Variants in XCR1 observed in about 807,000 individuals in gnomAD.
XCR1 encodes the protein X-C motif chemokine receptor 1.
For missense variants in XCR1, 356 were observed against 424.2 expected, an observed-to-expected ratio of 0.84 and a Z score of 1.41; for synonymous variants, 187 against 188.5, an observed-to-expected ratio of 0.99 and a Z score of 0.06.
chr3:46,050,260 T>G (rs1484863363), intron 5 of XCR1, among the ~76,000 whole-genome samples: 1 of 152,226 alleles, frequency 6.6e-6, no homozygotes, highest in East Asian at 1.9e-4. Context: ...AAGAACAGTC[T>G]CCTTGCAGGG....
chr3:46,058,135 C>G (rs986248831), intron 4 of XCR1, among the ~76,000 whole-genome samples: 2 of 152,240 alleles, frequency 1.3e-5, no homozygotes, highest in African/African-American at 2.4e-5. Flanking sequence ...TTGCCTCTCT[C>G]GTATGATTCA....
chr3:46,061,604 G>A (rs1697963432), intron 4 of XCR1, among the ~76,000 whole-genome samples: 1 of 152,126 alleles, frequency 6.6e-6, no homozygotes, highest in Non-Finnish European at 1.5e-5. Flanking sequence ...GAGAACCTTT[G>A]GGCTGAAGCA....
chr3:46,072,838 G>C (rs1327901126), intron 3 of XCR1, among the ~76,000 whole-genome samples: 2 of 152,176 alleles, frequency 1.3e-5, no homozygotes, highest in Admixed American at 6.5e-5. Flanking sequence ...AATGAACAAA[G>C]CTGGAGGCAT....
chr3:46,068,066 A>T (rs561665715), intron 3 of XCR1, among the ~76,000 whole-genome samples: 1 of 152,342 alleles, frequency 6.6e-6, no homozygotes, highest in South Asian at 2.1e-4. Context: ...GCTGCCAGTA[A>T]CAGAGCACAT....
intron 5 of XCR1, among the ~76,000 whole-genome samples, chr3:46,035,752 G>T (rs1353095062): frequency 6.6e-6 from 1 of 152,160 alleles, no homozygotes; most frequent in Non-Finnish European, 1.5e-5. Flanking sequence ...ATTTTTGAAA[G>T]AATTTCCATT....
Position 46,043,212 on chromosome 3 carries a change from A to G in XCR1, c.-32+10708T>C, listed in dbSNP as rs190696530. On this transcript the variant is annotated intron_variant, in intron 5 of 5. Coordinates refer to the XCR1 transcript ENST00000683768. ...CCCCAGCACTTTGGGAGGCTGAGGCAGGCAGATCACCTGAGGTCAGGAGTT... is the reference window on the plus strand; with the variant it reads ...CCCCAGCACTTTGGGAGGCTGAGGCGGGCAGATCACCTGAGGTCAGGAGTT... 1.2e-3 allele frequency among the ~76,000 whole-genome samples: 177 copies of G among 152,220 alleles called. 2 individuals carry two copies. Among genetic ancestry groups the G allele is most frequent in the African/African-American group, 4.1e-3 (172 of 41,536 alleles).
At chr3:46,076,096 A>G (rs938942003) in intron 2 of XCR1, among the ~76,000 whole-genome samples, 1 of 152,224 alleles carries the variant, frequency 6.6e-6, no homozygotes, top group Non-Finnish European at 1.5e-5. Flanking sequence ...GGCCACCAAG[A>G]TTTTTTAACA....
At chr3:46,085,579 G>T (rs1698460383) in intron 1 of XCR1, among the ~76,000 whole-genome samples, 2 of 152,214 alleles carry the variant, frequency 1.3e-5, no homozygotes, top group Non-Finnish European at 2.9e-5. Context: ...CCTTCCAGCA[G>T]CAAGCCTGCC....
At chr3:46,041,080 T>C (rs1697530592) in intron 5 of XCR1, among the ~76,000 whole-genome samples, 1 of 152,332 alleles carries the variant, frequency 6.6e-6, no homozygotes, top group Admixed American at 6.5e-5. Context: ...TTGAGCAGCG[T>C]ATAGTTTTAT....
chr3:46,022,268 G>A, intron 1 of XCR1: 6 of 239,704 alleles, frequency 2.5e-5, no homozygotes, highest in South Asian at 1.2e-4. Context: ...TCATGCCACT[G>A]CACTCCAACC....
At chr3:46,065,441 C>T (rs1698050454) in intron 4 of XCR1, among the ~76,000 whole-genome samples, 1 of 152,210 alleles carries the variant, frequency 6.6e-6, no homozygotes, top group Admixed American at 6.5e-5. Flanking sequence ...CCCCCAAATG[C>T]TAACCTGTCC....
At position 46,021,894 on chromosome 3, in the gene XCR1, C is replaced by T. The variant is rs1459811323; in HGVS notation, c.54G>A (p.Gln18=). Residue 18 remains glutamine (Q), a synonymous_variant, in exon 2 of 2, where the codon CAG becomes CAA. Transcript: ENST00000309285. The surrounding 1 kb of genome is among the most constrained non-coding windows in gnomAD (Gnocchi z 4.7). ...AGGCCTGGTTCTCACACGGCTGGCT[C>T]TGAAGGTCATAGTAAAAAAAGGTGG... The part of the protein sequence containing the change: ...ESTTFFYYDL[Q]SQPCENQAWV... The T allele has an allele frequency of 4.3e-6, 7 of 1,614,016 alleles. No homozygotes were observed. The highest frequency in any genetic ancestry group is 5.9e-6 in the Non-Finnish European group (7 of 1,179,986).
chr3:46,062,237 G>A (rs767130277), intron 4 of XCR1, among the ~76,000 whole-genome samples: 5 of 152,154 alleles, frequency 3.3e-5, no homozygotes, highest in Admixed American at 1.3e-4. Flanking sequence ...CCCTGCAGCA[G>A]CCATGGACAT....
intron 4 of XCR1, among the ~76,000 whole-genome samples, chr3:46,058,417 T>C (rs906979406): frequency 2.0e-5 from 3 of 152,194 alleles, no homozygotes. Context: ...CAAAAGCTTC[T>C]ATGTCTGTCC....
At chr3:46,022,087 C>A (rs1424272035) in intron 1 of XCR1, 109 bp from the exon 2 acceptor site, 7 of 1,005,512 alleles carry the variant, frequency 7.0e-6, no homozygotes, top group Non-Finnish European at 1.0e-5. Flanking sequence ...ATTGCTTGAC[C>A]CCAGGAGTTT....
At chr3:46,026,328 C>G (rs924878790) in intron 1 of XCR1, among the ~76,000 whole-genome samples, 21 of 152,190 alleles carry the variant, frequency 1.4e-4, no homozygotes, top group African/African-American at 4.6e-4. Context: ...AACTGGCTCC[C>G]TTTTGCTGGT....
In XCR1 at chr3:46,035,840, ATTGT is replaced by A. The variant is rs1329363554; in HGVS notation, c.-31-13866_-31-13863del. On this transcript the variant is annotated intron_variant, in intron 5 of 5. Coordinates refer to the XCR1 transcript ENST00000683768. ...GGACACTCTTGGGGGCTTGTTTGTA[ATTGT>A]TTGTGTGTGTGTCCAGGCAAGTGAG... Among the ~76,000 whole-genome samples, 4 of 151,790 alleles carry A rather than the reference ATTGT, an allele frequency of 2.6e-5. No homozygotes were observed. The East Asian group carries it at 5.8e-4, about 22-fold the overall frequency.
intron 1 of XCR1, among the ~76,000 whole-genome samples, chr3:46,025,688 T>C (rs1708274583): frequency 6.6e-6 from 1 of 152,222 alleles, no homozygotes; most frequent in Admixed American, 6.5e-5. Flanking sequence ...TATAAATCCT[T>C]ACCACAAAGA....
intron 3 of XCR1, among the ~76,000 whole-genome samples, chr3:46,074,212 A>ATTTTTTTTTTTTTTTTTTT (rs1384010299): frequency 1.1e-5 from 1 of 88,394 alleles, no homozygotes; most frequent in African/African-American, 7.4e-5. Flanking sequence ...ACTGAAGGCC[A>ATTTTTTTTTTTTTTTTTTT]TCTTTTTTTT....
Sources: allele counts gnomAD v4.1 joint callset (sites outside exome capture counted in the v4.1 genomes callset), GRCh38; gene constraint gnomAD v4.1.1; non-coding constraint Gnocchi (gnomAD v3.1); transcripts MANE v1.5; gene names NCBI Gene and HGNC (gene_info 2026-07-23, HGNC 2026-07-21).